Variants in KAZN observed in about 807,000 individuals in gnomAD.
KAZN encodes the protein kazrin, periplakin interacting protein, also known as kazrin.
A neutral mutation model predicts 87.4 loss-of-function variants in KAZN; 40 were observed. The ratio of observed to expected loss-of-function variants is 0.46; its 90% confidence interval spans 0.36 to 0.60. KAZN has a LOEUF of 0.60. Among genes scored for constraint, KAZN ranks in the 20% least tolerant of loss-of-function variants. KAZN has a pLI of 0.00. For synonymous variants in KAZN, 466 were observed against 458.3 expected (o/e 1.02, Z -0.22); for missense variants, 898 against 1,073.9 (o/e 0.84, Z 2.29).
chr1:14,890,411 C>T (rs10927568), intron 1 of KAZN, among the ~76,000 whole-genome samples: 2,059 of 152,266 alleles, frequency 0.014, 53 homozygotes, highest in African/African-American at 0.047. Context: ...GACATCGTCC[C>T]GCTGCAAAAA....
chr1:14,479,089 A>C (rs976563212), intron 2 of KAZN, among the ~76,000 whole-genome samples: 1 of 152,194 alleles, frequency 6.6e-6, no homozygotes, highest in Non-Finnish European at 1.5e-5. Flanking sequence ...GCCGGCTTCT[A>C]TCCTCATTAG....
chr1:14,656,587 A>G (rs1194322565), intron 1 of KAZN, among the ~76,000 whole-genome samples: 9 of 152,234 alleles, frequency 5.9e-5, no homozygotes, highest in Non-Finnish European at 5.9e-5. Flanking sequence ...ACAGTTCTGC[A>G]GGCCCTACAG....
chr1:15,048,412 A>ATG (rs1015666553), intron 4 of KAZN, among the ~76,000 whole-genome samples: 28 of 138,016 alleles, frequency 2.0e-4, no homozygotes, highest in African/African-American at 8.0e-4. Context: ...AAGGGACCGC[A>ATG]TGTGTGTGTA....
At chr1:14,001,585 G>A (rs185501442) in intron 1 of KAZN, among the ~76,000 whole-genome samples, 187 of 152,246 alleles carry the variant, frequency 1.2e-3, no homozygotes, top group African/African-American at 4.0e-3. Flanking sequence ...GAGGCATCAC[G>A]CTACCTGACT....
chr1:13,978,595 T>C (rs1638496060), intron 1 of KAZN, among the ~76,000 whole-genome samples: 1 of 151,688 alleles, frequency 6.6e-6, no homozygotes, highest in African/African-American at 2.4e-5. Context: ...ACACAGTAAA[T>C]ATGACTATTA....
chr1:14,502,384 C>T (rs1557761974), intron 2 of KAZN, among the ~76,000 whole-genome samples: 1 of 152,196 alleles, frequency 6.6e-6, no homozygotes, highest in Non-Finnish European at 1.5e-5. Context: ...TTGAAGAAGA[C>T]AGACCTGGTC....
At chr1:14,509,831 T>G (rs1670806797) in intron 2 of KAZN, among the ~76,000 whole-genome samples, 1 of 152,098 alleles carries the variant, frequency 6.6e-6, no homozygotes, top group African/African-American at 2.4e-5. Flanking sequence ...AGGGCCCTTT[T>G]TGGATAGAGA....
intron 2 of KAZN, among the ~76,000 whole-genome samples, chr1:14,300,545 G>A (rs984421558): frequency 6.6e-6 from 1 of 152,156 alleles, no homozygotes; most frequent in Non-Finnish European, 1.5e-5. Flanking sequence ...CGGATTTTAG[G>A]CAGTAGAGCA....
chr1:14,885,097 G>A (rs1653884455), intron 1 of KAZN, among the ~76,000 whole-genome samples: 1 of 152,136 alleles, frequency 6.6e-6, no homozygotes, highest in African/African-American at 2.4e-5. Flanking sequence ...AGTCTTCTCC[G>A]AAAAACACTT....
At chr1:14,300,127 CAT>C (rs1654438553) in intron 2 of KAZN, among the ~76,000 whole-genome samples, 1 of 152,052 alleles carries the variant, frequency 6.6e-6, no homozygotes, top group African/African-American at 2.4e-5. Flanking sequence ...AAATGTAGCA[CAT>C]ATGTTTGGAG....
intron 2 of KAZN, among the ~76,000 whole-genome samples, chr1:14,567,449 A>G (rs998437900): frequency 3.9e-5 from 6 of 152,232 alleles, no homozygotes; most frequent in African/African-American, 1.4e-4. Context: ...TGATACAGAG[A>G]CACAAAGTGA....
chr1:14,742,514 A>G lies in KAZN; in HGVS notation c.226+143291A>G, dbSNP rs547506946. Among the ~76,000 whole-genome samples the G allele has an allele frequency of 2.2e-3, 340 of 152,246 alleles. 6 individuals are homozygous for G. In the East Asian group the frequency reaches 0.042, roughly 19 times the overall value. On this transcript the variant is annotated intron_variant, in intron 1 of 14. Transcript: ENST00000376030. The stretch of plus-strand genomic sequence containing the variant: ...GAAGGAATGAGCGAATGAAAAAAAA[A>G]CCAATGAGTCAGTTCATCCGCCAGC...
intron 2 of KAZN, among the ~76,000 whole-genome samples, chr1:14,429,405 C>T (rs1261345040): frequency 6.6e-6 from 1 of 152,094 alleles, no homozygotes; most frequent in African/African-American, 2.4e-5. Flanking sequence ...AACCTGGGTT[C>T]GAAATCCTGC....
rs538120225 is a variant in KAZN at position 14,580,429 on chromosome 1, C to T, written c.250-18554C>T. On this transcript the variant is annotated intron_variant, in intron 2 of 16. Coordinates refer to the KAZN transcript ENST00000636203. The stretch of plus-strand genomic sequence containing the variant: ...AGAGGAAGTTGCGGTGAGCCGAGAT[C>T]GTGCCATTGCACTCCAGCCTGGTCA... Among the ~76,000 whole-genome samples the T allele has an allele frequency of 2.6e-3, 403 of 152,114 alleles. 2 individuals carry two copies. The highest frequency in any genetic ancestry group is 4.7e-3 in the Non-Finnish European group (323 of 68,014).
intron 2 of KAZN, among the ~76,000 whole-genome samples, chr1:14,530,901 C>T (rs967682441): frequency 6.6e-6 from 1 of 152,058 alleles, no homozygotes; most frequent in African/African-American, 2.4e-5. Flanking sequence ...GGCAACATGG[C>T]GAAACCTTGT....
intron 1 of KAZN, among the ~76,000 whole-genome samples, chr1:14,146,563 GA>G (rs1219398788): frequency 6.5e-4 from 86 of 132,686 alleles, no homozygotes; most frequent in Non-Finnish European, 9.9e-4. Context: ...AAAAAGAAAA[GA>G]AAAGAAAGAA....
chr1:14,841,405 C>CA lies in KAZN; in HGVS notation c.227-119243dup, dbSNP rs57248871. 8.7e-4 allele frequency among the ~76,000 whole-genome samples: 77 copies of CA among 88,862 alleles called. 5 individuals are homozygous for CA. The highest frequency in any genetic ancestry group is 2.3e-3 in the African/African-American group (52 of 22,918). The allele number at this position is 88,862 out of a possible 152,430, so 58.3% of individuals were successfully genotyped here. A position where few individuals can be genotyped will look rare whatever the true frequency, so the allele number is the denominator to read the frequency against. ...TGGGCGACAGAGCAAGACTCCGTCT[C>CA]AAAAAAAAAAAAAAAAAAAAAAAAA... On this transcript the variant is annotated intron_variant, in intron 1 of 14. Coordinates refer to ENST00000376030, the MANE Select transcript of KAZN (RefSeq NM_201628.3).
intron 1 of KAZN, among the ~76,000 whole-genome samples, chr1:14,097,084 G>T (rs534645385): frequency 6.6e-6 from 1 of 152,324 alleles, no homozygotes; most frequent in East Asian, 1.9e-4. Flanking sequence ...TAGAGGTGTA[G>T]GGGAAGAGAG....
chr1:14,889,576 TC>T (rs1459526190), intron 1 of KAZN, among the ~76,000 whole-genome samples: 2 of 152,222 alleles, frequency 1.3e-5, no homozygotes, highest in Non-Finnish European at 2.9e-5. Flanking sequence ...AGGACAGAAT[TC>T]CCCCTTGGGG....
Sources: allele counts gnomAD v4.1 joint callset (sites outside exome capture counted in the v4.1 genomes callset), GRCh38; gene constraint gnomAD v4.1.1; transcripts MANE v1.5; gene names NCBI Gene and HGNC (gene_info 2026-07-23, HGNC 2026-07-21).